BCORL1: variants seen among roughly 807,000 people sequenced by gnomAD.
The protein encoded by BCORL1 is BCL6 corepressor like 1.
BCORL1 carries 7 observed loss-of-function variants against 87.6 expected under a neutral mutation model. The observed-to-expected ratio is 0.08, with a 90% CI of 0.05 to 0.15. The LOEUF is 0.15. Among genes scored for constraint, BCORL1 ranks in the 10% least tolerant of loss-of-function variants. The pLI, the probability that BCORL1 is intolerant of heterozygous loss-of-function variation, is 1.00. For synonymous variants in BCORL1, 591 were observed against 634.4 expected (o/e 0.93, Z 1.03); for missense variants, 1,215 against 1,499.7 (o/e 0.81, Z 3.13).
At chrX:130,054,482 G>T (rs997180958) in intron 13 of BCORL1, among the ~76,000 whole-genome samples, 1 of 110,896 alleles carries the variant, frequency 9.0e-6, no homozygotes, top group Non-Finnish European at 1.9e-5. Flanking sequence ...GAAAGTAGGG[G>T]GAGTCCTTTA....
intron 2 of BCORL1, among the ~76,000 whole-genome samples, chrX:130,011,609 T>C (rs1345853518): frequency 2.4e-5 from 1 of 41,669 alleles, no homozygotes; most frequent in Non-Finnish European, 3.8e-5. Flanking sequence ...CTCCCTTTTT[T>C]TTTTTGTCAG....
chrX:130,029,305 A>G (rs1313336425), intron 8 of BCORL1, among the ~76,000 whole-genome samples: 3 of 111,315 alleles, frequency 2.7e-5, no homozygotes, highest in Non-Finnish European at 5.7e-5. Flanking sequence ...ACTGGGGCCC[A>G]GGTTCTAGCT....
chrX:129,989,302 A>ATTTTTTTT (rs34124916), intron 1 of BCORL1, among the ~76,000 whole-genome samples: 1 of 71,725 alleles, frequency 1.4e-5, no homozygotes, highest in Non-Finnish European at 2.6e-5. Flanking sequence ...TGCCCGGCTA[A>ATTTTTTTT]TTTTTTTTTT....
intron 11 of BCORL1, among the ~76,000 whole-genome samples, chrX:130,049,360 T>C (rs746801489): frequency 9.0e-6 from 1 of 111,233 alleles, no homozygotes; most frequent in Non-Finnish European, 1.9e-5. Flanking sequence ...GTTTGTTTGT[T>C]TGTTTGTTTG....
At chrX:129,990,300 C>T (rs996827489) in intron 1 of BCORL1, among the ~76,000 whole-genome samples, 7 of 110,286 alleles carry the variant, frequency 6.3e-5, no homozygotes, top group Non-Finnish European at 1.1e-4. Context: ...GGCGCTATCT[C>T]GGCTCACTGC....
At chrX:129,989,652 A>G (rs1261736094) in intron 1 of BCORL1, among the ~76,000 whole-genome samples, 1 of 102,982 alleles carries the variant, frequency 9.7e-6, no homozygotes, top group Non-Finnish European at 2.0e-5. Flanking sequence ...TTTTTAGTAG[A>G]GACGGGGTTT....
intron 8 of BCORL1, among the ~76,000 whole-genome samples, chrX:130,030,533 C>T (rs1409778866): frequency 9.0e-6 from 1 of 110,894 alleles, no homozygotes; most frequent in Non-Finnish European, 1.9e-5. Context: ...GCCTGTCTGC[C>T]TCTGGAGCCA....
chrX:130,049,697 T>A (rs1931965251), intron 11 of BCORL1, among the ~76,000 whole-genome samples: 1 of 112,470 alleles, frequency 8.9e-6, no homozygotes, highest in Non-Finnish European at 1.9e-5. Flanking sequence ...TTTTCAGTTC[T>A]TTGGGATATA....
chrX:130,053,298 C>G (rs181734296), intron 13 of BCORL1, among the ~76,000 whole-genome samples: 3 of 109,388 alleles, frequency 2.7e-5, no homozygotes, highest in South Asian at 8.1e-4. Flanking sequence ...CCCTCCCCCC[C>G]ACCACCCCAC....
intron 13 of BCORL1, among the ~76,000 whole-genome samples, chrX:130,054,698 C>T (rs1321867202): frequency 2.7e-5 from 3 of 110,097 alleles, no homozygotes; most frequent in Non-Finnish European, 3.8e-5. Context: ...GATCATTTGA[C>T]GTCAGGAGTT....
At chrX:129,983,753 G>A (rs1926340715) in intron 1 of BCORL1, among the ~76,000 whole-genome samples, 1 of 108,266 alleles carries the variant, frequency 9.2e-6, no homozygotes, top group Non-Finnish European at 1.9e-5. Flanking sequence ...ATTGAAGGAA[G>A]ATGAGATCGG....
chrX:130,001,724 G>A (rs1427139897), intron 1 of BCORL1, among the ~76,000 whole-genome samples: 2 of 109,905 alleles, frequency 1.8e-5, no homozygotes, highest in Admixed American at 2.0e-4. Context: ...GAGTGGTGGG[G>A]AAATGGCAGG....
Position 130,056,399 on chromosome X carries a change from T to G in BCORL1, c.*263T>G. On this transcript the variant is annotated 3_prime_UTR_variant, in exon 14 of 14. Transcript: ENST00000540052. ...GAACTCCATGTCTGAGGACAAGAGG[T>G]CCCGGGGGTGGTGGGAGGTGGCGCC... 1 of 287,073 alleles carries G rather than the reference T, an allele frequency of 3.5e-6. No homozygotes were observed. The highest frequency in any genetic ancestry group is 6.0e-6 in the Non-Finnish European group (1 of 166,001). 23.7% of individuals were successfully genotyped at this position (287,073 alleles called of 1,213,427 possible). A position where few individuals can be genotyped will look rare whatever the true frequency, so the allele number is the denominator to read the frequency against.
chrX:129,990,070 G>A (rs1020027921), intron 1 of BCORL1, among the ~76,000 whole-genome samples: 4 of 111,251 alleles, frequency 3.6e-5, no homozygotes, highest in Admixed American at 2.8e-4. Context: ...ACAGGCATGG[G>A]CCACCATGCC....
intron 1 of BCORL1, among the ~76,000 whole-genome samples, chrX:129,990,196 C>T (rs1428275925): frequency 8.9e-6 from 1 of 111,835 alleles, no homozygotes; most frequent in African/African-American, 3.2e-5. Context: ...ATAGTAGGTG[C>T]TCAATAAATG....
chrX:130,037,253 A>G (rs1490488532), intron 9 of BCORL1, 114 bp from the exon 10 acceptor site: 3 of 768,502 alleles, frequency 3.9e-6, no homozygotes, highest in South Asian at 4.5e-5. Flanking sequence ...TGTCCCTGCT[A>G]TAAAGGGCAG....
chrX:130,056,259 G>A lies in BCORL1; in HGVS notation c.*123G>A. ...CAATAATACGGACCAACAAGAAGCC[G>A]CCTTATCAATGCCAGCATTAGCGAC... On this transcript the variant is annotated 3_prime_UTR_variant, in exon 14 of 14. Coordinates refer to ENST00000540052, the MANE Select transcript of BCORL1 (RefSeq NM_001379451.1). 5.2e-6 allele frequency: 4 copies of A among 767,364 alleles called. No individual in the cohort carries two copies. The highest frequency in any genetic ancestry group is 4.3e-5 in the African/African-American group (2 of 47,006). The allele number at this position is 767,364 out of a possible 1,213,427, so 63.2% of individuals were successfully genotyped here. A position where few individuals can be genotyped will look rare whatever the true frequency, so the allele number is the denominator to read the frequency against.
chrX:130,034,734 C>A, intron 9 of BCORL1, 58 bp downstream of exon 9: 3 of 851,711 alleles, frequency 3.5e-6, no homozygotes, highest in Non-Finnish European at 4.7e-6. Context: ...TATGAAGAAG[C>A]TTTTCTCCAT....
At chrX:130,016,234 C>T in intron 4 of BCORL1, 21 bp downstream of exon 4, 1 of 1,170,555 alleles carries the variant, frequency 8.5e-7, no homozygotes. Context: ...AGCTAAGGTC[C>T]AGGGTGGGGC....
Sources: allele counts gnomAD v4.1 joint callset (sites outside exome capture counted in the v4.1 genomes callset), GRCh38; gene constraint gnomAD v4.1.1; transcripts MANE v1.5; gene names NCBI Gene and HGNC (gene_info 2026-07-23, HGNC 2026-07-21).